The following DRC12 variants were observed in gnomAD, a reference collection of about 807,000 sequenced individuals.
DRC12 encodes the protein dynein regulatory complex protein 12.
At chr11:119,193,222 G>T in the DRC12 span, 1 of 1,614,090 alleles carries the variant, frequency 6.2e-7, no homozygotes, top group Non-Finnish European at 8.5e-7. Flanking sequence ...CTCCTGCAGG[G>T]CATGGCACTG....
the DRC12 span, chr11:119,195,620 A>C: frequency 1.4e-6 from 1 of 700,284 alleles, no homozygotes; most frequent in Admixed American, 2.6e-5. Flanking sequence ...CAGAAAAGTC[A>C]GTTCACAGTC....
At chr11:119,193,604 G>A in the DRC12 span, 1 of 1,439,398 alleles carries the variant, frequency 6.9e-7, no homozygotes, top group Non-Finnish European at 9.1e-7. Flanking sequence ...CCTGCCTTTG[G>A]TTCCTGCAGG....
chr11:119,190,557 T>A, the DRC12 span: 1 of 1,557,062 alleles, frequency 6.4e-7, no homozygotes, highest in South Asian at 1.1e-5. This position sits in a 1 kb window ranked among gnomAD's most constrained non-coding sequence, Gnocchi z 4.2. Flanking sequence ...CATGGTCGTA[T>A]CCCCTCTGTC....
the DRC12 span, chr11:119,190,339 G>A: frequency 6.2e-7 from 1 of 1,613,922 alleles, no homozygotes; most frequent in East Asian, 2.2e-5. This position sits in a 1 kb window ranked among gnomAD's most constrained non-coding sequence, Gnocchi z 4.2. Context: ...ATCCAGGGGG[G>A]GTGAGTCCAA....
the DRC12 span, chr11:119,194,906 GCTTCTACCCTC>G: frequency 1.9e-6 from 3 of 1,547,696 alleles, no homozygotes; most frequent in African/African-American, 2.7e-5. Flanking sequence ...ACCCATGCCA[GCTTCTACCCTC>G]CTTACCCAAG....
chr11:119,195,182 C>G, the DRC12 span: 1 of 628,014 alleles, frequency 1.6e-6, no homozygotes, highest in Admixed American at 2.9e-5. Context: ...AACAGATATG[C>G]AAAATACACA....
chr11:119,190,337 G>T, the DRC12 span: 5 of 1,614,184 alleles, frequency 3.1e-6, no homozygotes, highest in Non-Finnish European at 3.4e-6. The surrounding 1 kb of genome is among the most constrained non-coding windows in gnomAD (Gnocchi z 4.2). Context: ...AGATCCAGGG[G>T]GGGTGAGTCC....
the DRC12 span, chr11:119,195,745 T>A: frequency 2.3e-6 from 1 of 431,786 alleles, no homozygotes; most frequent in Non-Finnish European, 4.1e-6. Context: ...AGAAACGAAA[T>A]CCCTGTACCT....
chr11:119,193,419 G>T, the DRC12 span: 1 of 852,832 alleles, frequency 1.2e-6, no homozygotes, highest in Non-Finnish European at 1.8e-6. Context: ...CCTGAGGAAG[G>T]GACAGGAAGC....
the DRC12 span, chr11:119,190,752 G>A: frequency 2.5e-6 from 4 of 1,613,984 alleles, no homozygotes; most frequent in Non-Finnish European, 8.5e-7. This position sits in a 1 kb window ranked among gnomAD's most constrained non-coding sequence, Gnocchi z 4.2. Flanking sequence ...CTGCCATGTG[G>A]GCCCGAAGCT....
At chr11:119,195,511 AG>A in the DRC12 span, 1 of 1,537,754 alleles carries the variant, frequency 6.5e-7, no homozygotes, top group Non-Finnish European at 8.8e-7. Context: ...TGGGAGAAGG[AG>A]GGGACCTTAT....
the DRC12 span, chr11:119,190,383 G>A: frequency 6.2e-7 from 1 of 1,613,908 alleles, no homozygotes; most frequent in African/African-American, 1.3e-5. The surrounding 1 kb of genome is among the most constrained non-coding windows in gnomAD (Gnocchi z 4.2). Flanking sequence ...CTGGCGTGAA[G>A]TCTCAGTGCT....
At chr11:119,194,626 C>T in the DRC12 span, among the ~76,000 whole-genome samples, 2 of 150,124 alleles carry the variant, frequency 1.3e-5, no homozygotes, top group African/African-American at 2.5e-5. Context: ...AAGATTGTTG[C>T]GGCCCAGGAG....
the DRC12 span, among the ~76,000 whole-genome samples, chr11:119,191,826 C>CA: frequency 6.6e-6 from 1 of 151,564 alleles, no homozygotes; most frequent in South Asian, 2.1e-4. Context: ...AAACAAAAAA[C>CA]AAAAAAATCC....
the DRC12 span, chr11:119,193,448 T>G: frequency 1.1e-6 from 1 of 950,002 alleles, no homozygotes; most frequent in Non-Finnish European, 1.5e-6. Flanking sequence ...CCTCCCCCAG[T>G]CCAGCTTTGG....
the DRC12 span, chr11:119,190,299 A>T: frequency 1.9e-6 from 3 of 1,614,186 alleles, no homozygotes; most frequent in South Asian, 3.3e-5. The surrounding 1 kb of genome is among the most constrained non-coding windows in gnomAD (Gnocchi z 4.2). Flanking sequence ...CTCAGAGAAC[A>T]CTAGAGACTA....
At chr11:119,190,518 TG>T in the DRC12 span, 1 of 1,603,680 alleles carries the variant, frequency 6.2e-7, no homozygotes. The surrounding 1 kb of genome is among the most constrained non-coding windows in gnomAD (Gnocchi z 4.2). Flanking sequence ...TGCCCCAGGT[TG>T]GTTCATAAGC....
chr11:119,193,415 G>A, the DRC12 span: 2 of 830,120 alleles, frequency 2.4e-6, no homozygotes, highest in Non-Finnish European at 3.7e-6. Flanking sequence ...AAAACCTGAG[G>A]AAGGGACAGG....
At chr11:119,192,888 C>T in the DRC12 span, among the ~76,000 whole-genome samples, 12 of 152,174 alleles carry the variant, frequency 7.9e-5, no homozygotes, top group Admixed American at 2.6e-4. Flanking sequence ...TCAGGTGATC[C>T]GCCCGCCTTG....
Sources: gnomAD v4.1 joint callset for allele counts (sites outside exome capture counted in the v4.1 genomes callset) on GRCh38, gnomAD v4.1.1 for gene constraint, Gnocchi (gnomAD v3.1) non-coding constraint, MANE v1.5 for transcripts, NCBI Gene and HGNC (gene_info 2026-07-23, HGNC 2026-07-21) for gene names.